RPTOR: variants seen among roughly 807,000 people sequenced by gnomAD.
The protein encoded by RPTOR is regulatory-associated protein of mTOR.
Under a neutral mutation model 169.9 loss-of-function variants are expected in RPTOR, and 21 were observed. The observed-to-expected ratio is 0.12, with a 90% CI of 0.09 to 0.18. The LOEUF (loss-of-function observed/expected upper bound fraction) is 0.18, where lower values mean the gene tolerates loss of function less well. Among genes scored for constraint, RPTOR ranks in the 10% least tolerant of loss-of-function variants. The probability of loss-of-function intolerance (pLI) is 1.00; values close to 1 mark genes in which losing one functional copy is unlikely to be tolerated. For synonymous variants in RPTOR, 732 were observed against 753.2 expected (o/e 0.97, Z 0.46); for missense variants, 1,133 against 1,855.9 (o/e 0.61, Z 7.16).
chr17:80,772,437 C>G (rs1229870543), intron 6 of RPTOR, among the ~76,000 whole-genome samples: 1 of 119,040 alleles, frequency 8.4e-6, no homozygotes, highest in Non-Finnish European at 1.7e-5. Context: ...CCCTGTCTCT[C>G]CCCCCACATG....
chr17:80,675,822 A>G (rs955727670), intron 3 of RPTOR, among the ~76,000 whole-genome samples: 1 of 152,138 alleles, frequency 6.6e-6, no homozygotes, highest in Non-Finnish European at 1.5e-5. Flanking sequence ...TTCACTTGTT[A>G]GTGAGAGGAA....
intron 20 of RPTOR, among the ~76,000 whole-genome samples, chr17:80,894,219 C>T (rs2068370322): frequency 1.3e-5 from 2 of 152,138 alleles, no homozygotes; most frequent in Non-Finnish European, 1.5e-5. Context: ...TGGTTCTCAG[C>T]CGGGGGTGGT....
chr17:80,658,298 G>T (rs1009567793), intron 3 of RPTOR, among the ~76,000 whole-genome samples: 5 of 151,996 alleles, frequency 3.3e-5, no homozygotes, highest in Admixed American at 2.6e-4. Context: ...TTTCTTTTAG[G>T]GTGAGGCTGC....
At chr17:80,720,665 CGGGT>C (rs2066277379) in intron 4 of RPTOR, among the ~76,000 whole-genome samples, 1 of 152,204 alleles carries the variant, frequency 6.6e-6, no homozygotes, top group Admixed American at 6.5e-5. Context: ...ACTGACTTCG[CGGGT>C]GCCCTGCATT....
At chr17:80,636,605 G>A (rs1328306726) in intron 2 of RPTOR, among the ~76,000 whole-genome samples, 1 of 152,066 alleles carries the variant, frequency 6.6e-6, no homozygotes, top group East Asian at 1.9e-4. Context: ...CCTCCTGAAG[G>A]CCCCATCTCT....
chr17:80,766,948 T>G (rs1004383509), intron 6 of RPTOR, among the ~76,000 whole-genome samples: 1 of 152,154 alleles, frequency 6.6e-6, no homozygotes, highest in African/African-American at 2.4e-5. Context: ...TGAAACTAGT[T>G]GATAGTTTTT....
At chr17:80,635,428 T>C (rs2065498200) in intron 2 of RPTOR, among the ~76,000 whole-genome samples, 1 of 152,208 alleles carries the variant, frequency 6.6e-6, no homozygotes, top group Admixed American at 6.5e-5. Flanking sequence ...GCTTTAGGTT[T>C]CAGGCCTGGT....
At chr17:80,951,515 CG>C (rs551214022) in intron 28 of RPTOR, among the ~76,000 whole-genome samples, 47 of 152,340 alleles carry the variant, frequency 3.1e-4, no homozygotes, top group African/African-American at 1.1e-3. Context: ...CCCCAGTCCC[CG>C]AAGGCTGTGC....
intron 30 of RPTOR, chr17:80,961,146 C>T (rs560863455): frequency 6.0e-6 from 3 of 496,858 alleles, no homozygotes; most frequent in East Asian, 3.1e-5. Flanking sequence ...AGTCCTCCAG[C>T]GGCCTGACGG....
intron 7 of RPTOR, among the ~76,000 whole-genome samples, chr17:80,811,859 T>C (rs998468427): frequency 2.4e-5 from 3 of 126,314 alleles, no homozygotes; most frequent in African/African-American, 8.0e-5. Context: ...AACCTCACTG[T>C]ACCCACGGGA....
intron 1 of RPTOR, among the ~76,000 whole-genome samples, chr17:80,584,334 C>T (rs1350679165): frequency 6.6e-6 from 1 of 151,284 alleles, no homozygotes; most frequent in African/African-American, 2.4e-5. Flanking sequence ...CTTTTAAGGT[C>T]AGAACTCAGG....
intron 3 of RPTOR, among the ~76,000 whole-genome samples, chr17:80,668,982 C>G (rs1030469947): frequency 1.4e-5 from 2 of 145,974 alleles, no homozygotes; most frequent in African/African-American, 2.4e-5. Context: ...GGTCTGCTGC[C>G]TCCCGGGTGC....
Position 80,686,187 on chromosome 17 carries a change from C to CT in RPTOR, c.349-21637dup, listed in dbSNP as rs3074397. Among the ~76,000 whole-genome samples the CT allele has an allele frequency of 5.0e-3, 679 of 135,876 alleles. 3 individuals are homozygous for CT. Among genetic ancestry groups the CT allele is most frequent in the East Asian group, 0.013 (64 of 4,862 alleles). 89.1% of individuals were successfully genotyped at this position (135,876 alleles called of 152,430 possible). A position where few individuals can be genotyped will look rare whatever the true frequency, so the allele number is the denominator to read the frequency against. Reference sequence around the variant, plus strand: ...TAAACTCACCTGAGCTTCATAACAACTTTTTTTTTTTTTTTTTGAGACAGA... The same window carrying CT: ...TAAACTCACCTGAGCTTCATAACAACTTTTTTTTTTTTTTTTTTGAGACAGA... On this transcript the variant is annotated intron_variant, in intron 3 of 33. Transcript: ENST00000306801.
At chr17:80,739,774 C>T (rs1208240709) in intron 5 of RPTOR, among the ~76,000 whole-genome samples, 1 of 151,894 alleles carries the variant, frequency 6.6e-6, no homozygotes, top group Non-Finnish European at 1.5e-5. Flanking sequence ...TACAACATAT[C>T]TGTATTTATA....
At chr17:80,548,467 C>T (rs189908548) in intron 1 of RPTOR, among the ~76,000 whole-genome samples, 74 of 149,888 alleles carry the variant, frequency 4.9e-4, no homozygotes, top group African/African-American at 1.6e-3. Context: ...CTGCAACCTC[C>T]GCCTCCCAGG....
At chr17:80,764,157 T>TTTA (rs1244619878) in intron 6 of RPTOR, among the ~76,000 whole-genome samples, 1 of 131,862 alleles carries the variant, frequency 7.6e-6, no homozygotes, top group Non-Finnish European at 1.6e-5. Context: ...TTTATTTTAT[T>TTTA]TTATTTTATT....
In RPTOR at chr17:80,754,020, T is replaced by A. The variant is rs774322929; in HGVS notation, c.665T>A (p.Ile222Asn). 1 of 1,612,946 alleles carries A rather than the reference T, an allele frequency of 6.2e-7. No homozygotes were observed. The highest frequency in any genetic ancestry group is 8.5e-7 in the Non-Finnish European group (1 of 1,179,034). ...TGTTCTGCCCTTCAGGTAGCTGCAA[T>A]CAACCCAAATCACCCTCTTGCTCAG... ...QREQELEVAA[I>N]NPNHPLAQMP... The change falls in exon 6 of 34, where the codon ATC becomes AAC. Residue 222 changes from isoleucine (I) to asparagine (N), a missense_variant. Ile to Asn is a moderately radical substitution (Grantham distance 149). Transcript: ENST00000306801. This position sits in a 1 kb window ranked among gnomAD's most constrained non-coding sequence, Gnocchi z 4.2.
rs911423935 is a variant in RPTOR at position 80,609,892 on chromosome 17, G to C, written c.163-15799G>C. On this transcript the variant is annotated intron_variant, in intron 1 of 33. Transcript: ENST00000306801. The surrounding 1 kb of genome is among the most constrained non-coding windows in gnomAD (Gnocchi z 4.8). ...AATGGTAGCTTACAACTGACATTTAGCCAATTGAAAAGTGTAGGCCAGGGT... is the reference window on the plus strand; with the variant it reads ...AATGGTAGCTTACAACTGACATTTACCCAATTGAAAAGTGTAGGCCAGGGT... Among the ~76,000 whole-genome samples, 2 of 151,916 alleles carry C rather than the reference G, an allele frequency of 1.3e-5. No individual in the cohort carries two copies. The highest frequency in any genetic ancestry group is 6.6e-5 in the Admixed American group (1 of 15,254).
At chr17:80,692,375 G>T (rs1342328499) in intron 3 of RPTOR, among the ~76,000 whole-genome samples, 2 of 152,128 alleles carry the variant, frequency 1.3e-5, no homozygotes, top group Non-Finnish European at 2.9e-5. Context: ...AGGCTGGAGC[G>T]CAGTGGCATG....
Sources: allele counts gnomAD v4.1 joint callset (sites outside exome capture counted in the v4.1 genomes callset), GRCh38; gene constraint gnomAD v4.1.1; non-coding constraint Gnocchi (gnomAD v3.1); transcripts MANE v1.5; gene names NCBI Gene and HGNC (gene_info 2026-07-23, HGNC 2026-07-21).